The following EXOC6 variants were observed in gnomAD, a reference collection of about 807,000 sequenced individuals.
EXOC6 encodes SEC15-like 1.
EXOC6 carries 60 observed loss-of-function variants against 112.5 expected under a neutral mutation model. The observed-to-expected ratio is 0.53, with a 90% CI of 0.43 to 0.66. The LOEUF (loss-of-function observed/expected upper bound fraction) is 0.66, where lower values mean the gene tolerates loss of function less well. EXOC6 is among the 30% of genes least tolerant of loss of function. The probability of loss-of-function intolerance (pLI) is 0.00; values close to 1 mark genes in which losing one functional copy is unlikely to be tolerated. For synonymous variants in EXOC6, 295 were observed against 308.0 expected (o/e 0.96, Z 0.44); for missense variants, 855 against 957.1 (o/e 0.89, Z 1.41).
At chr10:92,984,472 T>G (rs1283146508) in intron 18 of EXOC6, among the ~76,000 whole-genome samples, 1 of 152,160 alleles carries the variant, frequency 6.6e-6, no homozygotes, top group African/African-American at 2.4e-5. Context: ...CTTTTGTTCC[T>G]TGCTCTCCTG....
intron 6 of EXOC6, among the ~76,000 whole-genome samples, 187 bp from the exon 7 acceptor site, chr10:92,915,565 ATTTTTT>A (rs1172917198): frequency 8.2e-5 from 9 of 109,218 alleles, no homozygotes; most frequent in Middle Eastern, 0.011. Flanking sequence ...TGAGACCCTG[ATTTTTT>A]TTTTTTTTTT....
chr10:92,837,623 A>G (rs901733767), intron 1 of EXOC6, among the ~76,000 whole-genome samples: 1 of 152,234 alleles, frequency 6.6e-6, no homozygotes, highest in Admixed American at 6.5e-5. Context: ...TGATCATGCC[A>G]CTGCACCCCA....
chr10:92,893,190 A>G (rs1158080016), intron 1 of EXOC6, among the ~76,000 whole-genome samples, 159 bp from the exon 2 acceptor site: 1 of 152,210 alleles, frequency 6.6e-6, no homozygotes, highest in Non-Finnish European at 1.5e-5. Flanking sequence ...CATGTTCAAG[A>G]AGAAATAAAA....
chr10:92,918,874 A>G (rs1390354062), intron 7 of EXOC6, among the ~76,000 whole-genome samples: 1 of 152,222 alleles, frequency 6.6e-6, no homozygotes, highest in Non-Finnish European at 1.5e-5. Context: ...ATGTATATAT[A>G]TGCGTATGTA....
chr10:92,872,495 A>T (rs1444979869), intron 1 of EXOC6, among the ~76,000 whole-genome samples: 1 of 152,098 alleles, frequency 6.6e-6, no homozygotes, highest in Admixed American at 6.5e-5. Flanking sequence ...ATACACATAC[A>T]TGCCTTATTA....
chr10:92,887,846 C>T (rs1219491623), intron 1 of EXOC6, among the ~76,000 whole-genome samples: 1 of 152,170 alleles, frequency 6.6e-6, no homozygotes. Flanking sequence ...CTGGCACTTG[C>T]CTGATTCTTC....
At chr10:92,831,488 C>A, upstream of EXOC6, 1 of 410,204 alleles carries the variant, frequency 2.4e-6, no homozygotes, top group Non-Finnish European at 4.0e-6. Flanking sequence ...GGCTGGAGTA[C>A]AATGGCGTGA....
intron 13 of EXOC6, 45 bp from the exon 14 acceptor site, chr10:92,948,229 A>G: frequency 7.9e-7 from 1 of 1,271,586 alleles, no homozygotes; most frequent in Non-Finnish European, 1.1e-6. Context: ...GTACTCTAAT[A>G]ATATGCTTTG....
At chr10:92,911,931 C>CGTG (rs1564823562) in intron 6 of EXOC6, among the ~76,000 whole-genome samples, 1 of 44,104 alleles carries the variant, frequency 2.3e-5, no homozygotes, top group African/African-American at 8.1e-5. Context: ...CTCTCTCTCT[C>CGTG]TGTGTGCGTG....
chr10:92,911,314 C>A (rs115283364), intron 6 of EXOC6, among the ~76,000 whole-genome samples: 1 of 152,106 alleles, frequency 6.6e-6, no homozygotes, highest in Admixed American at 6.5e-5. Flanking sequence ...GAGCTCCTCA[C>A]CATTGTATTC....
chr10:92,837,097 AACACACACAC>A (rs58871930), intron 1 of EXOC6, among the ~76,000 whole-genome samples: 151 of 139,852 alleles, frequency 1.1e-3, no homozygotes, highest in Admixed American at 2.6e-3. Context: ...GTTATAACAT[AACACACACAC>A]ACACACACAC....
chr10:93,006,809 T>TA (rs1844004625), intron 19 of EXOC6, among the ~76,000 whole-genome samples: 1 of 152,246 alleles, frequency 6.6e-6, no homozygotes, highest in African/African-American at 2.4e-5. Flanking sequence ...ATAGAATGAA[T>TA]ATTGGCATTC....
At chr10:92,911,644 AT>A (rs1417553419) in intron 6 of EXOC6, among the ~76,000 whole-genome samples, 1 of 152,064 alleles carries the variant, frequency 6.6e-6, no homozygotes, top group South Asian at 2.1e-4. Context: ...GTCCACTATC[AT>A]TTTTTCCTCA....
At chr10:93,023,309 G>A (rs920636015) in intron 20 of EXOC6, among the ~76,000 whole-genome samples, 2 of 152,164 alleles carry the variant, frequency 1.3e-5, no homozygotes, top group Non-Finnish European at 2.9e-5. Flanking sequence ...CCATATCAAA[G>A]CTGAAGGCAA....
rs745706827 is a variant in EXOC6, at chr10:93,058,368, T to G, written c.*13T>G. The G allele has an allele frequency of 1.5e-5, 23 of 1,580,254 alleles. No individual in the cohort carries two copies. The South Asian group carries it at 2.5e-4, about 17-fold the overall frequency. Reference sequence around the variant, plus strand: ...CCAGCACATGTAGACCTCACATGGCTTGCACTCAGTGACACCAAATCCATG... The same window carrying G: ...CCAGCACATGTAGACCTCACATGGCGTGCACTCAGTGACACCAAATCCATG... On this transcript the variant is annotated 3_prime_UTR_variant, in exon 22 of 22. Coordinates refer to ENST00000260762, the MANE Select transcript of EXOC6 (RefSeq NM_019053.6).
intron 5 of EXOC6, chr10:92,901,202 T>C (rs969042170): frequency 2.0e-5 from 3 of 152,232 alleles, no homozygotes; most frequent in Non-Finnish European, 4.4e-5. Context: ...AGATGTCTTT[T>C]GAAAAGGTAT....
Position 93,058,353 on chromosome 10 carries a change from TA to T in EXOC6, c.2414del (p.Ter805=). The T allele has an allele frequency of 6.2e-7, 1 of 1,600,326 alleles. No homozygotes were observed. ...SLVNGMSQHM[*>X] ...GGTGAATGGTATGTCCCAGCACATG[TA>T]GACCTCACATGGCTTGCACTCAGTG... On this transcript the variant is annotated frameshift_variant and stop_lost, in exon 22 of 22. Transcript: ENST00000260762. LOFTEE classifies it high-confidence loss of function.
intron 1 of EXOC6, among the ~76,000 whole-genome samples, chr10:92,883,474 A>G: frequency 6.6e-6 from 1 of 152,210 alleles, no homozygotes; most frequent in East Asian, 1.9e-4. Context: ...GTACTAGTCA[A>G]TAAGATTAGC....
chr10:93,023,627 C>G (rs1290379604), intron 20 of EXOC6, among the ~76,000 whole-genome samples: 1 of 151,992 alleles, frequency 6.6e-6, no homozygotes, highest in African/African-American at 2.4e-5. Flanking sequence ...ATCCTGTTAC[C>G]CCCTATTCTG....
Sources: allele counts gnomAD v4.1 joint callset (sites outside exome capture counted in the v4.1 genomes callset), GRCh38; gene constraint gnomAD v4.1.1; transcripts MANE v1.5; gene names NCBI Gene and HGNC (gene_info 2026-07-23, HGNC 2026-07-21).